SCN8A: variants seen among roughly 807,000 people sequenced by gnomAD.
SCN8A encodes the protein sodium channel protein type 8 subunit alpha.
In SCN8A, 30 loss-of-function variants were observed where a neutral mutation model predicts 184.1. That is an observed-to-expected ratio of 0.16 (90% CI 0.12 to 0.22). SCN8A has a LOEUF of 0.22. SCN8A is among the 10% of genes least tolerant of loss of function. SCN8A has a pLI of 1.00. For missense variants in SCN8A, 1,057 were observed against 2,498.9 expected, an observed-to-expected ratio of 0.42 and a Z score of 12.30; for synonymous variants, 852 against 907.0, an observed-to-expected ratio of 0.94 and a Z score of 1.09.
chr12:51,639,715 C>A (rs1350345961), intron 1 of SCN8A, among the ~76,000 whole-genome samples: 1 of 151,900 alleles, frequency 6.6e-6, no homozygotes, highest in African/African-American at 2.4e-5. Flanking sequence ...ATTGCCACAG[C>A]CATCCCATTC....
At chr12:51,597,531 A>G (rs1419989367) in intron 1 of SCN8A, among the ~76,000 whole-genome samples, 1 of 152,180 alleles carries the variant, frequency 6.6e-6, no homozygotes, top group Non-Finnish European at 1.5e-5. Flanking sequence ...TTAACTGATC[A>G]TTAGCATTTC....
chr12:51,779,921 T>A (rs1592158481), intron 20 of SCN8A, among the ~76,000 whole-genome samples: 1 of 152,262 alleles, frequency 6.6e-6, no homozygotes, highest in East Asian at 1.9e-4. Flanking sequence ...GTTATTTTAG[T>A]TAAAAGTGAG....
chr12:51,595,901 T>C (rs895062752), intron 1 of SCN8A, among the ~76,000 whole-genome samples: 12 of 152,090 alleles, frequency 7.9e-5, no homozygotes, highest in African/African-American at 2.7e-4. Context: ...CTAAGAAAAG[T>C]TTTACTGTAC....
chr12:51,680,729 C>T (rs757781509), intron 2 of SCN8A, among the ~76,000 whole-genome samples: 6 of 152,164 alleles, frequency 3.9e-5, no homozygotes, highest in Non-Finnish European at 5.9e-5. Context: ...CTGCCAGGCG[C>T]GGTGACTCAC....
At chr12:51,795,880 G>GAAA (rs59764704) in intron 26 of SCN8A, among the ~76,000 whole-genome samples, 6 of 124,142 alleles carry the variant, frequency 4.8e-5, no homozygotes, top group African/African-American at 1.7e-4. Context: ...CTCTATCTCT[G>GAAA]AAAAAAAAAA....
intron 14 of SCN8A, among the ~76,000 whole-genome samples, chr12:51,759,275 CT>C (rs982280344): frequency 1.3e-5 from 2 of 151,734 alleles, no homozygotes; most frequent in African/African-American, 4.8e-5. Context: ...TGTAAGTACA[CT>C]CTTTAATGTT....
chr12:51,657,497 T>G (rs1460278997), intron 1 of SCN8A, among the ~76,000 whole-genome samples: 1 of 152,130 alleles, frequency 6.6e-6, no homozygotes, highest in Non-Finnish European at 1.5e-5. Flanking sequence ...TTTGCTGTTG[T>G]TTGAGTTCCT....
chr12:51,668,468 A>G (rs1399010914), intron 2 of SCN8A, among the ~76,000 whole-genome samples: 2 of 152,100 alleles, frequency 1.3e-5, no homozygotes, highest in Admixed American at 6.5e-5. Flanking sequence ...CCACTTTTCT[A>G]ATTTTTTATT....
At chr12:51,724,983 G>A (rs1048027235) in intron 12 of SCN8A, among the ~76,000 whole-genome samples, 1 of 152,124 alleles carries the variant, frequency 6.6e-6, no homozygotes, top group African/African-American at 2.4e-5. Flanking sequence ...GTCTGCATTT[G>A]GGTTTTGGGG....
rs1233865146 is a variant in SCN8A, at chr12:51,812,630, T to C, written c.*5201T>C. On this transcript the variant is annotated 3_prime_UTR_variant, in exon 27 of 27. Coordinates refer to ENST00000627620, the MANE Select transcript of SCN8A (RefSeq NM_001330260.2). Reference sequence around the variant, plus strand: ...GAAAATGTCTTTCCTTTCACTTGCTTCTGGGGTTTGTGATTATTCAAGACA... The same window carrying C: ...GAAAATGTCTTTCCTTTCACTTGCTCCTGGGGTTTGTGATTATTCAAGACA... 6.6e-6 allele frequency: 1 copy of C among 152,216 alleles called. No individual in the cohort carries two copies. Among genetic ancestry groups the C allele is most frequent in the Non-Finnish European group, 1.5e-5 (1 of 68,044 alleles). 9.4% of individuals were successfully genotyped at this position (152,216 alleles called of 1,614,324 possible). A position where few individuals can be genotyped will look rare whatever the true frequency, so the allele number is the denominator to read the frequency against.
At chr12:51,742,587 GT>G (rs34185901) in intron 12 of SCN8A, among the ~76,000 whole-genome samples, 2,552 of 147,456 alleles carry the variant, frequency 0.017, 61 homozygotes, top group African/African-American at 0.059. Context: ...TCCATTGTAT[GT>G]TTTTTTTTTT....
chr12:51,697,282 C>T (rs1172156327), intron 6 of SCN8A, among the ~76,000 whole-genome samples: 1 of 152,204 alleles, frequency 6.6e-6, no homozygotes, highest in Admixed American at 6.5e-5. Context: ...CATCCTTTAT[C>T]TCTACAGTCT....
chr12:51,699,421 T>A (rs1188121196), intron 6 of SCN8A, 149 bp from the exon 7 acceptor site: 7 of 531,442 alleles, frequency 1.3e-5, no homozygotes, highest in Non-Finnish European at 2.0e-5. Flanking sequence ...TTTGCTGACC[T>A]ATTATTATTC....
chr12:51,625,047 C>T (rs1045261999), intron 1 of SCN8A, among the ~76,000 whole-genome samples: 32 of 152,138 alleles, frequency 2.1e-4, no homozygotes, highest in African/African-American at 7.2e-4. Flanking sequence ...CTTGAAAAAA[C>T]GTACATACCT....
In SCN8A at chr12:51,810,155, G is replaced by C. The variant is rs1333708386; in HGVS notation, c.*2726G>C. On this transcript the variant is annotated 3_prime_UTR_variant, in exon 27 of 27. Coordinates refer to ENST00000627620, the MANE Select transcript of SCN8A (RefSeq NM_001330260.2). ...GCTAGCTCCTGACCCCAGCCCAGCAGGCTGTCTCCTCAGTAACACATGGGC... is the reference window on the plus strand; with the variant it reads ...GCTAGCTCCTGACCCCAGCCCAGCACGCTGTCTCCTCAGTAACACATGGGC... 4.8e-6 allele frequency: 1 copy of C among 206,460 alleles called. No homozygotes were observed. Among genetic ancestry groups the C allele is most frequent in the South Asian group, 6.0e-5 (1 of 16,574 alleles). The allele number at this position is 206,460 out of a possible 1,614,324, so 12.8% of individuals were successfully genotyped here. A position where few individuals can be genotyped will look rare whatever the true frequency, so the allele number is the denominator to read the frequency against.
At chr12:51,747,115 G>A (rs898799705) in intron 13 of SCN8A, among the ~76,000 whole-genome samples, 2 of 146,562 alleles carry the variant, frequency 1.4e-5, no homozygotes, top group African/African-American at 5.5e-5. Context: ...GTGTGTGTGT[G>A]TGTGTGTGTG....
intron 26 of SCN8A, among the ~76,000 whole-genome samples, chr12:51,799,339 G>A (rs1446205628): frequency 6.6e-6 from 1 of 152,182 alleles, no homozygotes; most frequent in Admixed American, 6.5e-5. Context: ...GGCTAGATGG[G>A]TCAGAGAGCA....
intron 1 of SCN8A, among the ~76,000 whole-genome samples, chr12:51,636,480 A>G (rs1342912187): frequency 6.6e-6 from 1 of 152,242 alleles, no homozygotes; most frequent in Non-Finnish European, 1.5e-5. Flanking sequence ...TCATACTCCC[A>G]AATCATCATT....
intron 1 of SCN8A, among the ~76,000 whole-genome samples, chr12:51,621,193 C>T (rs1015894776): frequency 8.5e-5 from 13 of 152,152 alleles, no homozygotes; most frequent in African/African-American, 2.4e-4. Context: ...GGTGCTATAT[C>T]GTTTGCTTTT....
Sources: gnomAD v4.1 joint callset for allele counts (sites outside exome capture counted in the v4.1 genomes callset) on GRCh38, gnomAD v4.1.1 for gene constraint, MANE v1.5 for transcripts, NCBI Gene and HGNC (gene_info 2026-07-23, HGNC 2026-07-21) for gene names.